Variants in TSHZ2 observed in about 807,000 individuals in gnomAD.
The protein encoded by TSHZ2 is teashirt zinc finger homeobox 2.
In TSHZ2, 21 loss-of-function variants were observed where a neutral mutation model predicts 74.4. The ratio of observed to expected loss-of-function variants is 0.28; its 90% confidence interval spans 0.20 to 0.41. The LOEUF is 0.41. TSHZ2 is among the 10% of genes least tolerant of loss of function. The probability of loss-of-function intolerance (pLI) is 1.00; values close to 1 mark genes in which losing one functional copy is unlikely to be tolerated. For synonymous variants in TSHZ2, 540 were observed against 515.3 expected, an observed-to-expected ratio of 1.05 and a Z score of -0.65; for missense variants, 1,244 against 1,293.5, an observed-to-expected ratio of 0.96 and a Z score of 0.59.
chr20:53,447,284 CAAG>C (rs1360722053), intron 2 of TSHZ2, among the ~76,000 whole-genome samples: 3 of 152,184 alleles, frequency 2.0e-5, no homozygotes, highest in Non-Finnish European at 2.9e-5. Context: ...CAGGCTGGTG[CAAG>C]AAGGAGAAAC....
intron 2 of TSHZ2, among the ~76,000 whole-genome samples, chr20:53,444,053 C>T (rs6013691): frequency 0.041 from 6,206 of 152,078 alleles, 406 homozygotes; most frequent in African/African-American, 0.14. Context: ...ATCGTTTTCC[C>T]GGGACTGAGG....
At chr20:53,106,698 TTTTTTTTTG>T (rs199649499) in intron 1 of TSHZ2, among the ~76,000 whole-genome samples, 13 of 108,504 alleles carry the variant, frequency 1.2e-4, no homozygotes, top group South Asian at 2.8e-4. Flanking sequence ...ACGCAGGGCA[TTTTTTTTTG>T]TTTTTTTTTT....
At chr20:53,423,565 C>G (rs1057176447) in intron 2 of TSHZ2, among the ~76,000 whole-genome samples, 2 of 152,204 alleles carry the variant, frequency 1.3e-5, no homozygotes, top group South Asian at 4.1e-4. Context: ...AGGGTAGGGC[C>G]TCAACAAACT....
intron 1 of TSHZ2, among the ~76,000 whole-genome samples, chr20:53,053,720 TA>T (rs1209016755): frequency 6.6e-6 from 1 of 152,186 alleles, no homozygotes; most frequent in Non-Finnish European, 1.5e-5. Context: ...AGCGCATACA[TA>T]AAACATTTTT....
chr20:53,149,437 A>G (rs1987623654), intron 1 of TSHZ2, among the ~76,000 whole-genome samples: 1 of 152,142 alleles, frequency 6.6e-6, no homozygotes, highest in African/African-American at 2.4e-5. Context: ...AAAGAAAGAG[A>G]GAACATCAAA....
At chr20:53,047,955 G>A (rs1211626881) in intron 1 of TSHZ2, among the ~76,000 whole-genome samples, 2 of 152,144 alleles carry the variant, frequency 1.3e-5, no homozygotes, top group African/African-American at 4.8e-5. Flanking sequence ...CAGTGGAAAC[G>A]GAGGTCAGAA....
chr20:53,320,718 A>C (rs946143778), intron 2 of TSHZ2, among the ~76,000 whole-genome samples: 12 of 152,206 alleles, frequency 7.9e-5, no homozygotes, highest in Non-Finnish European at 1.2e-4. Flanking sequence ...AAAATAAAAA[A>C]GAATTAAAAA....
chr20:53,478,715 G>A (rs890583117), intron 2 of TSHZ2, among the ~76,000 whole-genome samples: 1 of 150,830 alleles, frequency 6.6e-6, no homozygotes, highest in African/African-American at 2.4e-5. Context: ...TTAAAAAAAA[G>A]AAAGAGCTCG....
intron 2 of TSHZ2, chr20:53,398,240 C>A (rs574558225): frequency 6.6e-6 from 1 of 152,286 alleles, no homozygotes; most frequent in South Asian, 2.1e-4. Context: ...AGTACTTGAA[C>A]AAGGATTTTC....
At position 53,159,487 on chromosome 20, in the gene TSHZ2, G is replaced by C. The variant is rs114110219; in HGVS notation, c.41-94012G>C. On this transcript the variant is annotated intron_variant, in intron 1 of 2. Coordinates refer to ENST00000371497, the MANE Select transcript of TSHZ2 (RefSeq NM_173485.6). ...TATTATCAGGCCCTTTATAGAAAAA[G>C]TTTGCCAACCCATGTTCTAGATAGA... 6.6e-3 allele frequency among the ~76,000 whole-genome samples: 1,005 copies of C among 151,956 alleles called. 10 individuals are homozygous for C. The highest frequency in any genetic ancestry group is 0.023 in the African/African-American group (954 of 41,426).
chr20:53,058,510 A>G (rs572757500), intron 1 of TSHZ2, among the ~76,000 whole-genome samples: 1 of 152,296 alleles, frequency 6.6e-6, no homozygotes, highest in East Asian at 1.9e-4. Flanking sequence ...TAAACCATGT[A>G]TGGGCCCTTC....
At chr20:53,044,717 G>C (rs6013617) in intron 1 of TSHZ2, among the ~76,000 whole-genome samples, 115,746 of 151,350 alleles carry the variant, frequency 0.76, 45,286 homozygotes, top group East Asian at 0.96. Context: ...TTCTTTCTTT[G>C]TTTGTTTTTA....
intron 1 of TSHZ2, among the ~76,000 whole-genome samples, chr20:53,118,387 T>C (rs79192248): frequency 6.6e-6 from 1 of 152,182 alleles, no homozygotes; most frequent in East Asian, 1.9e-4. Context: ...ATTTAGGTGC[T>C]GGTGATTTAT....
intron 2 of TSHZ2, among the ~76,000 whole-genome samples, chr20:53,269,321 G>T (rs1317546482): frequency 2.1e-5 from 3 of 144,266 alleles, no homozygotes; most frequent in African/African-American, 7.5e-5. Context: ...AAGAGAGATT[G>T]TAAGTATAGA....
intron 2 of TSHZ2, among the ~76,000 whole-genome samples, chr20:53,355,865 A>G (rs147381419): frequency 6.6e-6 from 1 of 152,370 alleles, no homozygotes; most frequent in African/African-American, 2.4e-5. Flanking sequence ...CATAGGACTT[A>G]TGCAAAGAGA....
In TSHZ2 at chr20:53,212,201, T is replaced by C. The variant is rs368470037; in HGVS notation, c.41-41298T>C. ...CCTGAGTGACCCAGCACTTGGAGCA[T>C]AGGAAATGAAAGAACAATGACTTTG... On this transcript the variant is annotated intron_variant, in intron 1 of 2. Coordinates refer to ENST00000371497, the MANE Select transcript of TSHZ2 (RefSeq NM_173485.6). 5.9e-5 allele frequency among the ~76,000 whole-genome samples: 9 copies of C among 152,252 alleles called. No individual in the cohort carries two copies. The East Asian group carries it at 1.2e-3, about 20-fold the overall frequency.
At chr20:53,420,926 C>T (rs1600626093) in intron 2 of TSHZ2, among the ~76,000 whole-genome samples, 1 of 152,336 alleles carries the variant, frequency 6.6e-6, no homozygotes, top group Middle Eastern at 3.4e-3. Flanking sequence ...CTCACTCAAA[C>T]ATATTTGACT....
At chr20:53,437,330 A>C (rs779088007) in intron 2 of TSHZ2, among the ~76,000 whole-genome samples, 2 of 152,020 alleles carry the variant, frequency 1.3e-5, no homozygotes, top group Non-Finnish European at 2.9e-5. Flanking sequence ...AAAATTAGGC[A>C]GGCATGGTGG....
rs6126789 is a variant in TSHZ2 at position 53,234,234 on chromosome 20, G to A, written c.41-19265G>A. Reference sequence around the variant, plus strand: ...TTTTATTGGAAAATAGAAGGTAGGTGCAAACCCACAGCCAACCCAGAAAAA... The same window carrying A: ...TTTTATTGGAAAATAGAAGGTAGGTACAAACCCACAGCCAACCCAGAAAAA... On this transcript the variant is annotated intron_variant, in intron 1 of 2. Coordinates refer to ENST00000371497, the MANE Select transcript of TSHZ2 (RefSeq NM_173485.6). 6.4e-4 allele frequency among the ~76,000 whole-genome samples: 97 copies of A among 152,302 alleles called. No homozygotes were observed. In the East Asian group the frequency reaches 0.015, roughly 24 times the overall value.
Sources: allele counts gnomAD v4.1 joint callset (sites outside exome capture counted in the v4.1 genomes callset), GRCh38; gene constraint gnomAD v4.1.1; transcripts MANE v1.5; gene names NCBI Gene and HGNC (gene_info 2026-07-23, HGNC 2026-07-21).